The following NAA11 variants were observed in gnomAD, a reference collection of about 807,000 sequenced individuals.
The protein encoded by NAA11 is N-alpha-acetyltransferase 11.
In NAA11, 15 loss-of-function variants were observed where a neutral mutation model predicts 16.1. That is an observed-to-expected ratio of 0.93 (90% CI 0.62 to 1.44). The LOEUF is 1.44. NAA11 is among the 40% of genes most tolerant of loss of function. NAA11 has a pLI of 0.00. For missense variants in NAA11, 298 were observed against 291.3 expected (o/e 1.02, Z -0.17); for synonymous variants, 122 against 112.4 (o/e 1.09, Z -0.54).
chr4:79,292,517 C>A lies in NAA11; in HGVS notation c.*122+1488G>T, dbSNP rs186093442. Reference sequence around the variant, plus strand: ...AAATCTAACAATTTGTACATCTGTGCCTGACTTTCATCACTTCTTATGATT... The same window carrying A: ...AAATCTAACAATTTGTACATCTGTGACTGACTTTCATCACTTCTTATGATT... On this transcript the variant is annotated intron_variant and NMD_transcript_variant, in intron 2 of 2. Coordinates refer to the NAA11 transcript ENST00000511542. 4.1e-4 allele frequency among the ~76,000 whole-genome samples: 62 copies of A among 152,270 alleles called. 2 individuals carry two copies. The highest frequency in any genetic ancestry group is 5.9e-5 in the Non-Finnish European group (4 of 68,012).
chr4:79,297,135 C>T (rs1050334862), intron 1 of NAA11, among the ~76,000 whole-genome samples: 17 of 152,258 alleles, frequency 1.1e-4, no homozygotes. Flanking sequence ...ATGCAGTTGC[C>T]GCTGTCGCCT....
At chr4:79,184,031 A>T in the NAA11 span, among the ~76,000 whole-genome samples, 4 of 152,188 alleles carry the variant, frequency 2.6e-5, no homozygotes, top group Non-Finnish European at 4.4e-5. Context: ...CTACATTTCT[A>T]TTAAGAGCCA....
rs575586472 is a variant in NAA11 at position 79,229,294 on chromosome 4, C to T, written c.*123-3024G>A. Among the ~76,000 whole-genome samples, 4 of 151,746 alleles carry T rather than the reference C, an allele frequency of 2.6e-5. No homozygotes were observed. In the South Asian group the frequency reaches 8.3e-4, roughly 32 times the overall value. On this transcript the variant is annotated intron_variant and NMD_transcript_variant, in intron 2 of 2. Transcript: ENST00000511542. ...TTTACATGTGAATATTCAGTTTTTC[C>T]AGTACTATTTCTTCAGAAGACTCTC... is the stretch of plus-strand genomic sequence containing the variant.
chr4:79,273,168 C>T (rs1004350167), intron 2 of NAA11, among the ~76,000 whole-genome samples: 1 of 151,846 alleles, frequency 6.6e-6, no homozygotes, highest in Admixed American at 6.6e-5. Context: ...CCATAGATTC[C>T]ACCTTTCGAT....
intron 2 of NAA11, among the ~76,000 whole-genome samples, chr4:79,268,062 CT>C (rs1722390738): frequency 6.6e-6 from 1 of 152,012 alleles, no homozygotes; most frequent in Non-Finnish European, 1.5e-5. Flanking sequence ...TACTTATCTT[CT>C]GGTATTTTAA....
the NAA11 span, among the ~76,000 whole-genome samples, chr4:79,169,429 T>G: frequency 6.6e-6 from 1 of 152,140 alleles, no homozygotes; most frequent in African/African-American, 2.4e-5. Flanking sequence ...TGGAACAGAA[T>G]AGAGGCCTCA....
At chr4:79,294,997 C>T (rs932144756) in intron 1 of NAA11, among the ~76,000 whole-genome samples, 4 of 152,148 alleles carry the variant, frequency 2.6e-5, no homozygotes, top group Admixed American at 6.6e-5. Flanking sequence ...GAATAAATTG[C>T]TTTCCATTAC....
rs1186921111 is a variant in NAA11 at position 79,325,596 on chromosome 4, G to A, written c.282C>T (p.Ala94=). Residue 94 remains alanine (A), a synonymous_variant, in exon 1 of 2, where the codon GCC becomes GCT. Coordinates refer to ENST00000286794, the MANE Select transcript of NAA11 (RefSeq NM_032693.3). ...TAAAGTTCTCTATCATGGCCCTGGAGGCCTGGTCCATCAGCTTCTGGGCCA... is the reference window on the plus strand; with the variant it reads ...TAAAGTTCTCTATCATGGCCCTGGAAGCCTGGTCCATCAGCTTCTGGGCCA... ...LGLAQKLMDQ[A]SRAMIENFNA... is the part of the protein sequence containing the mutation. 1.2e-6 allele frequency: 2 copies of A among 1,614,090 alleles called. No individual in the cohort carries two copies. Among genetic ancestry groups the A allele is most frequent in the Non-Finnish European group, 1.7e-6 (2 of 1,179,956 alleles).
chr4:79,208,724 C>A, the NAA11 span, among the ~76,000 whole-genome samples: 1 of 151,274 alleles, frequency 6.6e-6, no homozygotes, highest in Non-Finnish European at 1.5e-5. Flanking sequence ...ATACATATTT[C>A]ATGTATGAAT....
chr4:79,276,476 C>T (rs984300318), intron 2 of NAA11, among the ~76,000 whole-genome samples: 4 of 152,144 alleles, frequency 2.6e-5, no homozygotes, highest in African/African-American at 7.2e-5. Context: ...GCTTCCATCT[C>T]CCAACACTAA....
chr4:79,184,712 G>T, the NAA11 span, among the ~76,000 whole-genome samples: 5 of 152,222 alleles, frequency 3.3e-5, no homozygotes, highest in East Asian at 5.8e-4. Flanking sequence ...ATAGTTTTAC[G>T]CTAGGAACTC....
chr4:79,251,197 T>C (rs937158963), intron 2 of NAA11, among the ~76,000 whole-genome samples: 18 of 152,170 alleles, frequency 1.2e-4, no homozygotes, highest in Non-Finnish European at 2.4e-4. Context: ...GCAGCACTAT[T>C]AACAATAGGA....
chr4:79,180,652 C>A, the NAA11 span, among the ~76,000 whole-genome samples: 1 of 152,150 alleles, frequency 6.6e-6, no homozygotes, highest in East Asian at 1.9e-4. Context: ...CTAGTTCAAC[C>A]ATTGTGGAAG....
chr4:79,191,456 G>C, the NAA11 span, among the ~76,000 whole-genome samples: 1 of 151,878 alleles, frequency 6.6e-6, no homozygotes, highest in Non-Finnish European at 1.5e-5. Context: ...TATTGCATAG[G>C]CTTGTTGGCT....
At chr4:79,196,276 C>T in the NAA11 span, among the ~76,000 whole-genome samples, 2 of 151,980 alleles carry the variant, frequency 1.3e-5, no homozygotes. Context: ...CAGATCTCAC[C>T]TCCTCCATGA....
At chr4:79,273,985 A>G (rs1453644771) in intron 2 of NAA11, among the ~76,000 whole-genome samples, 1 of 151,982 alleles carries the variant, frequency 6.6e-6, no homozygotes, top group African/African-American at 2.4e-5. Context: ...GCATAAGGAT[A>G]TCTGAAGGTG....
At chr4:79,210,783 G>A in the NAA11 span, among the ~76,000 whole-genome samples, 11 of 152,288 alleles carry the variant, frequency 7.2e-5, no homozygotes, top group Non-Finnish European at 1.3e-4. Context: ...AAAAAAAGAA[G>A]AAGAAAGGCT....
the NAA11 span, among the ~76,000 whole-genome samples, chr4:79,212,151 G>T: frequency 6.6e-6 from 1 of 152,090 alleles, no homozygotes; most frequent in Non-Finnish European, 1.5e-5. Flanking sequence ...CATTTTACAT[G>T]CCTCCTTGCC....
downstream of NAA11, among the ~76,000 whole-genome samples, chr4:79,316,091 T>G (rs1170923411): frequency 6.6e-6 from 1 of 152,154 alleles, no homozygotes; most frequent in African/African-American, 2.4e-5. Flanking sequence ...ATCATTCAGG[T>G]AAGCTGAGGC....
Sources: allele counts gnomAD v4.1 joint callset (sites outside exome capture counted in the v4.1 genomes callset), GRCh38; gene constraint gnomAD v4.1.1; transcripts MANE v1.5; gene names NCBI Gene and HGNC (gene_info 2026-07-23, HGNC 2026-07-21).